COL16A1: variants seen among roughly 807,000 people sequenced by gnomAD.
COL16A1 encodes the protein collagen alpha-1(XVI) chain.
In COL16A1, 189 loss-of-function variants were observed where a neutral mutation model predicts 266.3. The observed-to-expected ratio is 0.71, with a 90% CI of 0.63 to 0.80. COL16A1 has a LOEUF of 0.80. Among genes scored for constraint, COL16A1 ranks in the 30% least tolerant of loss-of-function variants. The pLI is 0.00. For missense variants in COL16A1, 1,928 were observed against 2,122.4 expected (o/e 0.91, Z 1.80); for synonymous variants, 740 against 782.3 (o/e 0.95, Z 0.90).
intron 66 of COL16A1, 82 bp from the exon 67 acceptor site, chr1:31,655,584 A>C: frequency 6.4e-7 from 1 of 1,573,414 alleles, no homozygotes; most frequent in African/African-American, 1.3e-5. Context: ...CCCTCCCACC[A>C]GGCCCCCAGC....
At chr1:31,687,647 AGT>A (rs1644057528) in intron 26 of COL16A1, among the ~76,000 whole-genome samples, 1 of 149,916 alleles carries the variant, frequency 6.7e-6, no homozygotes, top group Non-Finnish European at 1.5e-5. Context: ...CAGCGTCAGG[AGT>A]GAAGGATCTG....
chr1:31,693,404 G>A (rs950350588), intron 12 of COL16A1, among the ~76,000 whole-genome samples: 4 of 152,036 alleles, frequency 2.6e-5, no homozygotes, highest in Admixed American at 2.6e-4. Flanking sequence ...CTCAAGCAGG[G>A]GGGTATCCCA....
intron 9 of COL16A1, 102 bp from the exon 10 acceptor site, chr1:31,695,889 G>T: frequency 6.3e-6 from 7 of 1,119,882 alleles, no homozygotes; most frequent in Non-Finnish European, 8.0e-6. Flanking sequence ...GGGCACTCTA[G>T]AGAGTGCCAG....
At chr1:31,682,792 C>T in intron 37 of COL16A1, 142 bp downstream of exon 37, 1 of 1,005,728 alleles carries the variant, frequency 9.9e-7, no homozygotes, top group Non-Finnish European at 1.5e-6. Flanking sequence ...TGAGGTTTTC[C>T]TTGTCTGAGG....
chr1:31,700,509 CCCCTCCATGACATA>C (rs1341266110), intron 2 of COL16A1, among the ~76,000 whole-genome samples: 4 of 152,198 alleles, frequency 2.6e-5, no homozygotes, highest in African/African-American at 4.8e-5. Flanking sequence ...ACACATGTGC[CCCCTCCATGACATA>C]CACCCAGGTG....
At chr1:31,659,363 C>T (rs532468020) in intron 62 of COL16A1, among the ~76,000 whole-genome samples, 1 of 152,274 alleles carries the variant, frequency 6.6e-6, no homozygotes, top group Admixed American at 6.5e-5. Flanking sequence ...AGACCAGAAG[C>T]TGGGGGTCCG....
Position 31,697,773 on chromosome 1 carries a change from G to T in COL16A1, c.657+133C>A. On this transcript the variant is annotated intron_variant, in intron 6 of 70. Coordinates refer to ENST00000373672, the MANE Select transcript of COL16A1 (RefSeq NM_001856.4). This position sits in a 1 kb window ranked among gnomAD's most constrained non-coding sequence, Gnocchi z 4.2. ...AATGCCAGGTGAATATGTTTAGGCT[G>T]CATTTGGAGGGCAACAGGAAAGCAG... 2 of 1,087,030 alleles carry T rather than the reference G, an allele frequency of 1.8e-6. No individual in the cohort carries two copies. The highest frequency in any genetic ancestry group is 2.6e-6 in the Non-Finnish European group (2 of 757,234). 67.3% of individuals were successfully genotyped at this position (1,087,030 alleles called of 1,614,324 possible).
chr1:31,696,023 G>A, intron 9 of COL16A1, 65 bp downstream of exon 9: 2 of 1,403,640 alleles, frequency 1.4e-6, no homozygotes, highest in Non-Finnish European at 2.0e-6. Flanking sequence ...TTATCCCTGG[G>A]GTTTACAGGG....
chr1:31,685,649 G>A lies in COL16A1; in HGVS notation c.2006C>T (p.Pro669Leu). 1 of 1,613,738 alleles carries A rather than the reference G, an allele frequency of 6.2e-7. No homozygotes were observed. The highest frequency in any genetic ancestry group is 8.5e-7 in the Non-Finnish European group (1 of 1,179,942). ...GEPGPPGFGL[P>L]GKQGKAGERG... ...TATATCCCACCTCACCTGTTTTCCT[G>A]GCAAGCCAAAGCCTGGAGGCCCAGG... The change falls in exon 29 of 71, where the codon CCA (proline) becomes CTA (leucine). Residue 669 changes from proline to leucine, a missense_variant. Pro to Leu is a moderately conservative substitution (Grantham distance 98). Around this residue, in one of 2 missense-constraint regions of COL16A1, gnomAD observed 1,552 missense variants for 1,637.2 expected, o/e 0.95. Transcript: ENST00000373672. This position sits in a 1 kb window ranked among gnomAD's most constrained non-coding sequence, Gnocchi z 4.0.
rs551503314 is a variant in COL16A1, at chr1:31,692,480, G to A, written c.1188C>T (p.Gly396=). 3.7e-6 allele frequency: 6 copies of A among 1,613,162 alleles called. No homozygotes were observed. The East Asian group carries it at 6.7e-5, about 18-fold the overall frequency. ...CCAAATCCAGGCTTGTTACCTTCTC[G>A]CCTGTTGAGCCTGGGAGTCCTGAGG... is the stretch of plus-strand genomic sequence containing the variant. ...LGPSGLPGST[G]EKGQKGEKGD... Residue 396 remains glycine (G), a synonymous_variant, in exon 16 of 71, where the codon GGC becomes GGT. Coordinates refer to ENST00000373672, the MANE Select transcript of COL16A1 (RefSeq NM_001856.4).
chr1:31,674,307 A>G (rs1642992990), intron 44 of COL16A1, among the ~76,000 whole-genome samples: 1 of 152,214 alleles, frequency 6.6e-6, no homozygotes, highest in Non-Finnish European at 1.5e-5. Context: ...GTCCAGGAAC[A>G]TAAGGGCCTC....
chr1:31,680,984 C>G, intron 38 of COL16A1, 39 bp downstream of exon 38: 1 of 1,613,874 alleles, frequency 6.2e-7, no homozygotes, highest in Non-Finnish European at 8.5e-7. Flanking sequence ...GAGGCAGGGC[C>G]GGCCATGGCT....
chr1:31,675,185 C>G, intron 43 of COL16A1, 73 bp downstream of exon 43: 1 of 1,612,932 alleles, frequency 6.2e-7, no homozygotes, highest in East Asian at 2.2e-5. Context: ...GCTACCGGGC[C>G]AGCTTCATAG....
intron 30 of COL16A1, 31 bp from the exon 31 acceptor site, chr1:31,684,661 GA>G (rs1374140368): frequency 1.2e-6 from 2 of 1,611,116 alleles, no homozygotes; most frequent in African/African-American, 2.7e-5. Flanking sequence ...GGAAAGCAAG[GA>G]TGGCCCAGCC....
chr1:31,675,361 C>T (rs888797265), intron 42 of COL16A1, 50 bp from the exon 43 acceptor site: 1 of 1,596,026 alleles, frequency 6.3e-7, no homozygotes, highest in Non-Finnish European at 8.5e-7. Flanking sequence ...CTCTAGCCTG[C>T]TGGTCAGCCT....
intron 69 of COL16A1, 48 bp downstream of exon 69, chr1:31,653,819 G>C (rs1347905190): frequency 1.9e-6 from 3 of 1,582,710 alleles, no homozygotes; most frequent in Non-Finnish European, 1.7e-6. Context: ...ACTTAGGCCT[G>C]CCCCAAAGAA....
Position 31,685,525 on chromosome 1 carries a change from T to G in COL16A1, c.2016+114A>C. ...CAGAGGCTCTGACCCCGCCACACCC[T>G]CCCCACTACCCCCAACTGCCCAGGG... On this transcript the variant is annotated intron_variant, in intron 29 of 70. Coordinates refer to ENST00000373672, the MANE Select transcript of COL16A1 (RefSeq NM_001856.4). The surrounding 1 kb of genome is among the most constrained non-coding windows in gnomAD (Gnocchi z 4.0). 27 of 640,164 alleles carry G rather than the reference T, an allele frequency of 4.2e-5. No individual in the cohort carries two copies. The highest frequency in any genetic ancestry group is 5.1e-5 in the Non-Finnish European group (20 of 389,110). The allele number at this position is 640,164 out of a possible 1,614,324, so 39.7% of individuals were successfully genotyped here.
In COL16A1 at chr1:31,672,695, A is replaced by G. The variant is rs368638710; in HGVS notation, c.2976+29T>C. Reference sequence around the variant, plus strand: ...TGAGGCAGCCAGGGAACCCTCCTGCATAGGGCAGCCCCAAGCCCAGTCCCT... The same window carrying G: ...TGAGGCAGCCAGGGAACCCTCCTGCGTAGGGCAGCCCCAAGCCCAGTCCCT... On this transcript the variant is annotated intron_variant, in intron 45 of 70. Transcript: ENST00000373672. 292 of 1,611,936 alleles carry G rather than the reference A, an allele frequency of 1.8e-4. No homozygotes were observed. In the African/African-American group the frequency reaches 3.7e-3, roughly 20 times the overall value.
chr1:31,683,737 C>A lies in COL16A1; in HGVS notation c.2349G>T (p.Gly783=). 1 of 1,614,136 alleles carries A rather than the reference C, an allele frequency of 6.2e-7. No homozygotes were observed. The highest frequency in any genetic ancestry group is 8.5e-7 in the Non-Finnish European group (1 of 1,179,996). Residue 783 remains glycine (G), a synonymous_variant, in exon 34 of 71, where the codon GGG becomes GGT. Transcript: ENST00000373672. ...GTCCCTGGACTCCCCTTCCTGGAGG[C>A]CCTGGCTCTCCCTGAAGAGGCAGAA... is the stretch of plus-strand genomic sequence containing the variant. The part of the protein sequence containing the change: ...PGLKGVQGEP[G]PPGRGVQGPQ...
Sources: gnomAD v4.1 joint callset for allele counts (sites outside exome capture counted in the v4.1 genomes callset) on GRCh38, gnomAD v4.1.1 for gene constraint, gnomAD v4.1.1 regional missense constraint, Gnocchi (gnomAD v3.1) non-coding constraint, MANE v1.5 for transcripts, NCBI Gene and HGNC (gene_info 2026-07-23, HGNC 2026-07-21) for gene names.